TSNARE1: variants seen among roughly 807,000 people sequenced by gnomAD.
TSNARE1 encodes the protein t-SNARE domain containing 1, also known as t-SNARE domain-containing protein 1.
TSNARE1 carries 49 observed loss-of-function variants against 62.0 expected under a neutral mutation model. The observed-to-expected ratio is 0.79, with a 90% CI of 0.63 to 1.00. The LOEUF (loss-of-function observed/expected upper bound fraction) is 1.00. Ranked by LOEUF, TSNARE1 falls within the 50% of genes least tolerant of loss-of-function variation. The pLI, the probability that TSNARE1 is intolerant of heterozygous loss-of-function variation, is 0.00. For missense variants in TSNARE1, 755 were observed against 700.1 expected (o/e 1.08, Z -0.88); for synonymous variants, 328 against 294.4 (o/e 1.11, Z -1.17).
intron 12 of TSNARE1, among the ~76,000 whole-genome samples, chr8:142,257,866 G>T (rs1790224000): frequency 6.6e-6 from 1 of 152,128 alleles, no homozygotes; most frequent in Non-Finnish European, 1.5e-5. Flanking sequence ...CAGAAAGTGA[G>T]GCACTCTCAC....
At chr8:142,328,818 TGG>T (rs766646951) in intron 6 of TSNARE1, among the ~76,000 whole-genome samples, 2 of 58,346 alleles carry the variant, frequency 3.4e-5, no homozygotes, top group African/African-American at 1.8e-4. Context: ...GGGAGGCCTT[TGG>T]GGGGGGGGAG....
At chr8:142,352,807 G>T (rs1014803529) in intron 2 of TSNARE1, among the ~76,000 whole-genome samples, 2 of 152,192 alleles carry the variant, frequency 1.3e-5, no homozygotes, top group African/African-American at 4.8e-5. Flanking sequence ...ACAGTTCAGA[G>T]CAAGGACGAA....
chr8:142,278,625 C>T (rs1011811783), intron 11 of TSNARE1: 1 of 985,312 alleles, frequency 1.0e-6, no homozygotes, highest in African/African-American at 1.7e-5. Context: ...GCATCACCCT[C>T]AGAGCCAGCG....
chr8:142,238,770 C>CGCCCCTGCACGCCT (rs1279294282), intron 12 of TSNARE1, among the ~76,000 whole-genome samples: 2 of 149,712 alleles, frequency 1.3e-5, no homozygotes, highest in Non-Finnish European at 3.0e-5. Flanking sequence ...CCTGCACGCC[C>CGCCCCTGCACGCCT]GCCCCTGCAC....
intron 12 of TSNARE1, chr8:142,273,049 T>C (rs1382197065): frequency 1.0e-6 from 1 of 985,326 alleles, no homozygotes; most frequent in East Asian, 1.1e-4. Flanking sequence ...GGCCTGAGCC[T>C]TGCCCACCTC....
At chr8:142,302,391 G>C (rs1396434920) in intron 9 of TSNARE1, among the ~76,000 whole-genome samples, 2 of 152,188 alleles carry the variant, frequency 1.3e-5, no homozygotes, top group Non-Finnish European at 2.9e-5. Context: ...ACAGAGGTGG[G>C]GGCTGTGCCG....
intron 11 of TSNARE1, among the ~76,000 whole-genome samples, chr8:142,282,725 G>A (rs956890342): frequency 3.8e-5 from 5 of 132,770 alleles, no homozygotes; most frequent in South Asian, 2.4e-4. Flanking sequence ...TGAGCGGAGG[G>A]GAGGCCACTG....
At chr8:142,324,232 G>T (rs944932767) in intron 6 of TSNARE1, among the ~76,000 whole-genome samples, 2 of 152,170 alleles carry the variant, frequency 1.3e-5, no homozygotes, top group African/African-American at 4.8e-5. Context: ...GAAGCCCCAC[G>T]ACCGCTTTAC....
intron 4 of TSNARE1, among the ~76,000 whole-genome samples, chr8:142,342,674 C>T (rs1455720952): frequency 6.6e-6 from 1 of 151,972 alleles, no homozygotes; most frequent in African/African-American, 2.4e-5. Context: ...ATGCCCAGCA[C>T]CTGTCCCAGC....
intron 12 of TSNARE1, among the ~76,000 whole-genome samples, chr8:142,241,122 C>T (rs1817652586): frequency 6.6e-6 from 1 of 152,198 alleles, no homozygotes; most frequent in Admixed American, 6.5e-5. Context: ...TAGAAAACCC[C>T]AAGGACTCCA....
intron 11 of TSNARE1, chr8:142,276,369 C>G: frequency 1.0e-6 from 1 of 985,428 alleles, no homozygotes; most frequent in Non-Finnish European, 1.2e-6. Context: ...TGTGACGGAT[C>G]CCCCCACAAT....
At chr8:142,292,205 CGA>C (rs1184841753) in intron 10 of TSNARE1, among the ~76,000 whole-genome samples, 2 of 152,098 alleles carry the variant, frequency 1.3e-5, no homozygotes, top group African/African-American at 4.8e-5. Context: ...CAAGCCTTCC[CGA>C]GAGTCTCCAC....
At chr8:142,286,204 C>G (rs907885448) in intron 10 of TSNARE1, among the ~76,000 whole-genome samples, 6 of 152,176 alleles carry the variant, frequency 3.9e-5, no homozygotes, top group Non-Finnish European at 8.8e-5. Context: ...GCGCCTGGCA[C>G]ATGGCTGGGT....
At chr8:142,355,201 G>A (rs1177275178) in intron 1 of TSNARE1, among the ~76,000 whole-genome samples, 1 of 152,228 alleles carries the variant, frequency 6.6e-6, no homozygotes, top group Non-Finnish European at 1.5e-5. Flanking sequence ...CATGCAGCCT[G>A]CCGGCATCTC....
chr8:142,233,745 C>A (rs144090275), intron 12 of TSNARE1, among the ~76,000 whole-genome samples: 7 of 152,176 alleles, frequency 4.6e-5, no homozygotes, highest in Admixed American at 2.0e-4. Flanking sequence ...CCCTGCAGGG[C>A]GTACGCAAGG....
At chr8:142,393,596 C>T (rs889943895) in intron 1 of TSNARE1, among the ~76,000 whole-genome samples, 5 of 152,238 alleles carry the variant, frequency 3.3e-5, no homozygotes, top group African/African-American at 4.8e-5. Context: ...CCAAACGCCA[C>T]GCCCGAAGGT....
chr8:142,295,677 C>T (rs1235686402), intron 10 of TSNARE1, among the ~76,000 whole-genome samples: 1 of 152,204 alleles, frequency 6.6e-6, no homozygotes, highest in Non-Finnish European at 1.5e-5. Flanking sequence ...CAACTCCATT[C>T]CTGCACAGCA....
At chr8:142,371,370 T>C (rs768159032) in intron 1 of TSNARE1, among the ~76,000 whole-genome samples, 7 of 152,180 alleles carry the variant, frequency 4.6e-5, no homozygotes, top group Admixed American at 6.5e-5. Flanking sequence ...GGGTCGGCCA[T>C]AGGGATGGAC....
intron 12 of TSNARE1, 163 bp downstream of exon 12, chr8:142,274,618 G>A: frequency 1.0e-6 from 1 of 985,466 alleles, no homozygotes; most frequent in African/African-American, 1.7e-5. Flanking sequence ...CACTCCCAGA[G>A]CCCTAGGGCA....
Sources: allele counts gnomAD v4.1 joint callset (sites outside exome capture counted in the v4.1 genomes callset), GRCh38; gene constraint gnomAD v4.1.1; transcripts MANE v1.5; gene names NCBI Gene and HGNC (gene_info 2026-07-23, HGNC 2026-07-21).